VOPP1: variants seen among roughly 807,000 people sequenced by gnomAD.
VOPP1 encodes WW domain binding protein VOPP1.
VOPP1 carries 8 observed loss-of-function variants against 23.5 expected under a neutral mutation model. The observed-to-expected ratio is 0.34, with a 90% CI of 0.20 to 0.61. VOPP1 has a LOEUF of 0.61. Among genes scored for constraint, VOPP1 ranks in the 20% least tolerant of loss-of-function variants. The pLI is 0.78. For synonymous variants in VOPP1, 83 were observed against 97.3 expected, an observed-to-expected ratio of 0.85 and a Z score of 0.86; for missense variants, 174 against 238.1, an observed-to-expected ratio of 0.73 and a Z score of 1.77.
chr7:55,497,761 C>G lies in VOPP1; in HGVS notation c.114-71G>C. Reference sequence around the variant, plus strand: ...CACCGGACCAGCCATGCGGCCCAGGCTGGGCTTCAATGTAATCATTCTTGA... The same window carrying G: ...CACCGGACCAGCCATGCGGCCCAGGGTGGGCTTCAATGTAATCATTCTTGA... On this transcript the variant is annotated intron_variant, in intron 2 of 4. Coordinates refer to ENST00000285279, the MANE Select transcript of VOPP1 (RefSeq NM_030796.5). 7 of 1,383,442 alleles carry G rather than the reference C, an allele frequency of 5.1e-6. No individual in the cohort carries two copies. In the South Asian group the frequency reaches 8.2e-5, roughly 16 times the overall value. 85.7% of individuals were successfully genotyped at this position (1,383,442 alleles called of 1,614,324 possible).
At chr7:55,436,838 C>T (rs1790842435) in intron 4 of VOPP1, among the ~76,000 whole-genome samples, 1 of 152,108 alleles carries the variant, frequency 6.6e-6, no homozygotes, top group Non-Finnish European at 1.5e-5. Flanking sequence ...GTGTCAGCTG[C>T]TTTGGTGTTT....
At chr7:55,460,790 C>A (rs542283034) in intron 4 of VOPP1, among the ~76,000 whole-genome samples, 1 of 152,170 alleles carries the variant, frequency 6.6e-6, no homozygotes, top group East Asian at 1.9e-4. Context: ...TATAGCTATT[C>A]CTGCTCACTT....
At chr7:55,521,649 A>G in intron 1 of VOPP1, 3 of 987,592 alleles carry the variant, frequency 3.0e-6, no homozygotes, top group Non-Finnish European at 2.4e-6. Context: ...AAGAAGGAAC[A>G]AGGAAAGACA....
At position 55,482,021 on chromosome 7, in the gene VOPP1, ACT is replaced by A. The variant is rs1417944045; in HGVS notation, c.329-8978_329-8977del. On this transcript the variant is annotated intron_variant, in intron 4 of 4. Transcript: ENST00000285279. Reference sequence around the variant, plus strand: ...CATTGACACTCCTACAGTTTCCATCACTCTGTCATATTTTTACATTTTTGTTT... The same window carrying A: ...CATTGACACTCCTACAGTTTCCATCACTGTCATATTTTTACATTTTTGTTT... Among the ~76,000 whole-genome samples, 8 of 152,004 alleles carry A rather than the reference ACT, an allele frequency of 5.3e-5. 1 individual carries two copies. In the South Asian group the frequency reaches 8.3e-4, roughly 16 times the overall value.
chr7:55,443,036 G>A (rs969750259), intron 4 of VOPP1, among the ~76,000 whole-genome samples: 27 of 151,358 alleles, frequency 1.8e-4, no homozygotes, highest in African/African-American at 2.7e-4. Context: ...GGAGAATGGC[G>A]TGAACTCAGG....
intron 1 of VOPP1, among the ~76,000 whole-genome samples, chr7:55,535,069 T>C (rs1243849184): frequency 6.6e-6 from 1 of 152,200 alleles, no homozygotes; most frequent in Non-Finnish European, 1.5e-5. Context: ...TCTGGCCGCA[T>C]GGCCTCTAGT....
chr7:55,506,089 C>T (rs1255329699), intron 2 of VOPP1, among the ~76,000 whole-genome samples: 2 of 152,164 alleles, frequency 1.3e-5, no homozygotes, highest in Non-Finnish European at 2.9e-5. Context: ...ATTGCTCTGG[C>T]GACTGTCCTG....
At chr7:55,564,480 C>T (rs1798099444) in intron 1 of VOPP1, among the ~76,000 whole-genome samples, 1 of 152,256 alleles carries the variant, frequency 6.6e-6, no homozygotes, top group South Asian at 2.1e-4. Flanking sequence ...AGCTGCTCAA[C>T]CATCCTAGCA....
chr7:55,465,869 C>T (rs1374427256), downstream of VOPP1, among the ~76,000 whole-genome samples: 1 of 152,178 alleles, frequency 6.6e-6, no homozygotes, highest in East Asian at 1.9e-4. Flanking sequence ...CTACTCTGTG[C>T]TCTCATTCTT....
chr7:55,568,228 C>G (rs551961501), intron 1 of VOPP1, among the ~76,000 whole-genome samples: 2 of 151,934 alleles, frequency 1.3e-5, no homozygotes, highest in Non-Finnish European at 2.9e-5. Context: ...TACAGGCGCC[C>G]GCCACCACGC....
chr7:55,542,121 T>A (rs1175527849), intron 1 of VOPP1, among the ~76,000 whole-genome samples: 1 of 152,206 alleles, frequency 6.6e-6, no homozygotes, highest in African/African-American at 2.4e-5. Context: ...GTATTTTTTT[T>A]AACAAATTTT....
intron 4 of VOPP1, among the ~76,000 whole-genome samples, chr7:55,443,987 T>C (rs937018934): frequency 6.6e-6 from 1 of 152,308 alleles, no homozygotes; most frequent in South Asian, 2.1e-4. Flanking sequence ...TGCTGAAATA[T>C]TTATAGATGA....
chr7:55,516,850 G>A (rs1364270034), intron 2 of VOPP1, among the ~76,000 whole-genome samples: 3 of 140,140 alleles, frequency 2.1e-5, no homozygotes. Context: ...ACTTTACCCA[G>A]GTGAAATGAA....
chr7:55,463,298 C>A (rs1189212221), intron 4 of VOPP1, among the ~76,000 whole-genome samples: 2 of 152,092 alleles, frequency 1.3e-5, no homozygotes, highest in African/African-American at 4.8e-5. Flanking sequence ...CAAACCTGTT[C>A]CTAGAGAATT....
intron 1 of VOPP1, among the ~76,000 whole-genome samples, chr7:55,570,832 C>A (rs1798325684): frequency 6.6e-6 from 1 of 151,978 alleles, no homozygotes; most frequent in South Asian, 2.1e-4. Context: ...GTCCCCGCTA[C>A]TGGGGAGGCT....
rs117868894 is a variant in VOPP1, at chr7:55,533,998, C to A, written c.55-12868G>T. Among the ~76,000 whole-genome samples the A allele has an allele frequency of 1.2e-4, 19 of 152,242 alleles. No homozygotes were observed. The East Asian group carries it at 3.5e-3, about 28-fold the overall frequency. On this transcript the variant is annotated intron_variant, in intron 1 of 4. Transcript: ENST00000285279. ...TTGTAAATAAGCAACAGCTTTTCCA[C>A]CCAAAACAACTCATTTGTGCAAGGT...
At chr7:55,448,749 C>A (rs1352827999) in intron 4 of VOPP1, among the ~76,000 whole-genome samples, 2 of 152,248 alleles carry the variant, frequency 1.3e-5, no homozygotes, top group Non-Finnish European at 2.9e-5. Context: ...CCAGCGCGGC[C>A]CCAGCTCGCT....
chr7:55,542,353 A>G (rs1229459076), intron 1 of VOPP1, among the ~76,000 whole-genome samples: 1 of 152,142 alleles, frequency 6.6e-6, no homozygotes, highest in African/African-American at 2.4e-5. Context: ...CGAACACCAC[A>G]TCTTATTCCT....
intron 1 of VOPP1, among the ~76,000 whole-genome samples, chr7:55,551,659 GGT>G (rs1181494087): frequency 3.3e-5 from 5 of 152,178 alleles, no homozygotes; most frequent in African/African-American, 1.2e-4. Flanking sequence ...TCAGGGCTGA[GGT>G]GGAGGAAGAG....
Sources: allele counts gnomAD v4.1 joint callset (sites outside exome capture counted in the v4.1 genomes callset), GRCh38; gene constraint gnomAD v4.1.1; transcripts MANE v1.5; gene names NCBI Gene and HGNC (gene_info 2026-07-23, HGNC 2026-07-21).